The following C2CD2 variants were observed in gnomAD, a reference collection of about 807,000 sequenced individuals.
C2CD2 encodes the protein C2 domain-containing protein 2.
In C2CD2, 43 loss-of-function variants were observed where a neutral mutation model predicts 74.3. That is an observed-to-expected ratio of 0.58 (90% CI 0.45 to 0.75). C2CD2 has a LOEUF of 0.75. Ranked by LOEUF, C2CD2 falls within the 30% of genes least tolerant of loss-of-function variation. C2CD2 has a pLI of 0.00. For missense variants in C2CD2, 801 were observed against 916.3 expected, an observed-to-expected ratio of 0.87 and a Z score of 1.63; for synonymous variants, 422 against 390.7, an observed-to-expected ratio of 1.08 and a Z score of -0.94.
intron 3 of C2CD2, 111 bp downstream of exon 3, chr21:41,921,861 T>C (rs2065157257): frequency 1.5e-6 from 1 of 667,416 alleles, no homozygotes. Context: ...ACATGAATGA[T>C]AATTAATAAA....
chr21:41,894,236 C>T (rs114926851), intron 13 of C2CD2, among the ~76,000 whole-genome samples: 36 of 152,244 alleles, frequency 2.4e-4, no homozygotes, highest in Admixed American at 1.6e-3. Flanking sequence ...ATTCCCCAGC[C>T]GCCTCTGAGG....
chr21:41,945,493 T>G lies in C2CD2; in HGVS notation c.280-3248A>C, dbSNP rs2065390765. Among the ~76,000 whole-genome samples, 1 of 140,206 alleles carries G rather than the reference T, an allele frequency of 7.1e-6. No individual in the cohort carries two copies. The highest frequency in any genetic ancestry group is 1.5e-5 in the Non-Finnish European group (1 of 64,600). 92.0% of individuals were successfully genotyped at this position (140,206 alleles called of 152,430 possible). On this transcript the variant is annotated intron_variant, in intron 1 of 13. Transcript: ENST00000380486. This position sits in a 1 kb window ranked among gnomAD's most constrained non-coding sequence, Gnocchi z 4.2. ...ACAAATATTTTGTGGAAACATGAAG[T>G]AAGGAAATGAAAAAAAAAAAAAGTG... is the stretch of plus-strand genomic sequence containing the variant.
chr21:41,935,697 C>G (rs774937045), intron 2 of C2CD2, among the ~76,000 whole-genome samples: 1 of 152,076 alleles, frequency 6.6e-6, no homozygotes, highest in African/African-American at 2.4e-5. Context: ...ACTAAAAATA[C>G]AAAAATTCAC....
intron 13 of C2CD2, among the ~76,000 whole-genome samples, chr21:41,896,077 G>A (rs1386894898): frequency 1.3e-5 from 2 of 152,202 alleles, no homozygotes; most frequent in Non-Finnish European, 2.9e-5. Flanking sequence ...CGCGGAACTA[G>A]CAACCTAGGA....
intron 7 of C2CD2, 33 bp downstream of exon 7, chr21:41,912,299 G>T: frequency 1.5e-6 from 2 of 1,346,692 alleles, no homozygotes; most frequent in Non-Finnish European, 2.1e-6. Context: ...ACACGGCCGT[G>T]GACACACAGG....
At chr21:41,925,113 T>C (rs1190254851) in intron 2 of C2CD2, among the ~76,000 whole-genome samples, 5 of 152,198 alleles carry the variant, frequency 3.3e-5, no homozygotes, top group Non-Finnish European at 2.9e-5. Flanking sequence ...AGGGCTTCGC[T>C]ACCCTCTAAA....
At chr21:41,913,595 T>TA (rs1195566487) in intron 6 of C2CD2, among the ~76,000 whole-genome samples, 1 of 152,180 alleles carries the variant, frequency 6.6e-6, no homozygotes, top group African/African-American at 2.4e-5. Context: ...TGGGCACTTT[T>TA]ACCAAAAAAC....
chr21:41,944,437 G>C lies in C2CD2; in HGVS notation c.280-2192C>G, dbSNP rs186336170. Among the ~76,000 whole-genome samples the C allele has an allele frequency of 3.8e-3, 567 of 149,088 alleles. 4 individuals are homozygous for C. Among genetic ancestry groups the C allele is most frequent in the African/African-American group, 0.013 (524 of 40,422 alleles). On this transcript the variant is annotated intron_variant, in intron 1 of 13. Coordinates refer to ENST00000380486, the MANE Select transcript of C2CD2 (RefSeq NM_015500.2). ...CTCGGGAGGCTGAGGCAGGAGAATGGCATGAACCCGGGAGGCAGACCTTGC... is the reference window on the plus strand; with the variant it reads ...CTCGGGAGGCTGAGGCAGGAGAATGCCATGAACCCGGGAGGCAGACCTTGC...
Position 41,924,468 on chromosome 21 carries a change from G to A in C2CD2, c.379-2383C>T, listed in dbSNP as rs1033746409. On this transcript the variant is annotated intron_variant, in intron 2 of 13. Coordinates refer to ENST00000380486, the MANE Select transcript of C2CD2 (RefSeq NM_015500.2). This position sits in a 1 kb window ranked among gnomAD's most constrained non-coding sequence, Gnocchi z 4.4. ...CCACGTTCAGAAGACTGATACACAT[G>A]AGTTAATTACATATTTCCATCATCT... 2.6e-5 allele frequency among the ~76,000 whole-genome samples: 4 copies of A among 152,174 alleles called. No individual in the cohort carries two copies. Among genetic ancestry groups the A allele is most frequent in the Non-Finnish European group, 4.4e-5 (3 of 68,024 alleles).
rs754836517 is a variant in C2CD2, at chr21:41,912,446, A to C, written c.845-6T>G. 1.9e-6 allele frequency: 3 copies of C among 1,544,976 alleles called. No homozygotes were observed. The South Asian group carries it at 3.6e-5, about 19-fold the overall frequency. ...GCACACTGCATTAATGTGGCCTGTA[A>C]TTAAATAGAAGGGCATCGTGTTGGC... On this transcript the variant is annotated splice_region_variant and splice_polypyrimidine_tract_variant and intron_variant, in intron 6 of 13. Transcript: ENST00000380486.
chr21:41,949,922 G>C (rs944689393), intron 1 of C2CD2, among the ~76,000 whole-genome samples: 1 of 152,160 alleles, frequency 6.6e-6, no homozygotes, highest in Non-Finnish European at 1.5e-5. Flanking sequence ...CTCACTCATA[G>C]GTGGGAGTTG....
chr21:41,952,159 C>A (rs2065455308), intron 1 of C2CD2, among the ~76,000 whole-genome samples: 1 of 152,242 alleles, frequency 6.6e-6, no homozygotes, highest in Admixed American at 6.5e-5. Context: ...AGATTCTGGG[C>A]ACCAGGACAA....
chr21:41,906,262 A>AT (rs543520634), intron 10 of C2CD2, among the ~76,000 whole-genome samples: 1 of 152,314 alleles, frequency 6.6e-6, no homozygotes, highest in Non-Finnish European at 1.5e-5. Flanking sequence ...CTAGCAAACG[A>AT]TTTTTCACAG....
rs147753254 is a variant in C2CD2 at position 41,947,112 on chromosome 21, TTCTC to T, written c.280-4871_280-4868del. On this transcript the variant is annotated intron_variant, in intron 1 of 13. Coordinates refer to ENST00000380486, the MANE Select transcript of C2CD2 (RefSeq NM_015500.2). Reference sequence around the variant, plus strand: ...TTTCTTTCTTTCTTTCCTTTCTCTTTTCTCTCTCTCTCTCTCTCTCTCTCTCTCC... The same window carrying T: ...TTTCTTTCTTTCTTTCCTTTCTCTTTTCTCTCTCTCTCTCTCTCTCTCTCC... Among the ~76,000 whole-genome samples the T allele has an allele frequency of 4.6e-4, 12 of 26,216 alleles. 1 individual carries two copies. The highest frequency in any genetic ancestry group is 9.4e-4 in the East Asian group (3 of 3,206). 17.2% of individuals were successfully genotyped at this position (26,216 alleles called of 152,430 possible). A position where few individuals can be genotyped will look rare whatever the true frequency, so the allele number is the denominator to read the frequency against.
intron 6 of C2CD2, among the ~76,000 whole-genome samples, chr21:41,914,319 A>AAAGAT (rs200091748): frequency 0.023 from 3,423 of 151,934 alleles, 137 homozygotes; most frequent in African/African-American, 0.078. Flanking sequence ...AAAGGAAAGA[A>AAAGAT]AAGATAAAAA....
intron 8 of C2CD2, 127 bp from the exon 9 acceptor site, chr21:41,907,911 T>A: frequency 1.1e-6 from 1 of 934,454 alleles, no homozygotes; most frequent in South Asian, 1.4e-5. Flanking sequence ...GGGGAAGTGC[T>A]CACGTTTCAG....
rs1013999247 is a variant in C2CD2, at chr21:41,903,540, G to C, written c.1433-1791C>G. On this transcript the variant is annotated intron_variant, in intron 11 of 13. Coordinates refer to ENST00000380486, the MANE Select transcript of C2CD2 (RefSeq NM_015500.2). The surrounding 1 kb of genome is among the most constrained non-coding windows in gnomAD (Gnocchi z 4.5). ...CTACACATTTGGCGTCAGGAGTGTT[G>C]TGAGTAGAGGAACAGATTTTTGTTT... Among the ~76,000 whole-genome samples, 2 of 152,228 alleles carry C rather than the reference G, an allele frequency of 1.3e-5. No individual in the cohort carries two copies. Among genetic ancestry groups the C allele is most frequent in the African/African-American group, 4.8e-5 (2 of 41,462 alleles).
At chr21:41,896,244 CTTAAG>C (rs1202422151) in intron 13 of C2CD2, among the ~76,000 whole-genome samples, 1 of 152,146 alleles carries the variant, frequency 6.6e-6, no homozygotes, top group Non-Finnish European at 1.5e-5. Context: ...TAGCGATCCT[CTTAAG>C]TTAAAGGGAA....
chr21:41,904,325 G>GC (rs1203797124), intron 11 of C2CD2, among the ~76,000 whole-genome samples: 1 of 67,952 alleles, frequency 1.5e-5, no homozygotes, highest in African/African-American at 1.0e-4. Flanking sequence ...AGAAATCGCC[G>GC]CCCCTCGTAG....
Sources: gnomAD v4.1 joint callset for allele counts (sites outside exome capture counted in the v4.1 genomes callset) on GRCh38, gnomAD v4.1.1 for gene constraint, Gnocchi (gnomAD v3.1) non-coding constraint, MANE v1.5 for transcripts, NCBI Gene and HGNC (gene_info 2026-07-23, HGNC 2026-07-21) for gene names.